Variants in CNOT4 observed in about 807,000 individuals in gnomAD.
CNOT4 encodes the protein CCR4-NOT transcription complex subunit 4, also known as CCR4-associated factor 4.
A neutral mutation model predicts 73.8 loss-of-function variants in CNOT4; 8 were observed. The observed-to-expected ratio is 0.11, with a 90% CI of 0.06 to 0.20. CNOT4 has a LOEUF of 0.20. Ranked by LOEUF, CNOT4 falls within the 10% of genes least tolerant of loss-of-function variation. CNOT4 has a pLI of 1.00. For missense variants in CNOT4, 564 were observed against 883.4 expected, an observed-to-expected ratio of 0.64 and a Z score of 4.58; for synonymous variants, 293 against 321.1, an observed-to-expected ratio of 0.91 and a Z score of 0.94.
At chr7:135,410,756 ATT>A in intron 6 of CNOT4, 108 bp from the exon 7 acceptor site, 1 of 655,652 alleles carries the variant, frequency 1.5e-6, no homozygotes, top group South Asian at 4.5e-5. Flanking sequence ...AATAAATAAT[ATT>A]TTTAAAAAAT....
chr7:135,446,766 T>C (rs1184982239), intron 1 of CNOT4, among the ~76,000 whole-genome samples: 5 of 151,820 alleles, frequency 3.3e-5, no homozygotes, highest in South Asian at 4.2e-4. Context: ...CACTTTGGTA[T>C]TGTATAGCAT....
chr7:135,483,144 G>A (rs1802492834), intron 1 of CNOT4, among the ~76,000 whole-genome samples: 1 of 150,746 alleles, frequency 6.6e-6, no homozygotes, highest in African/African-American at 2.4e-5. Context: ...AGACCAACCT[G>A]GGTAACATAG....
At chr7:135,437,842 C>T (rs1799250171) in intron 2 of CNOT4, among the ~76,000 whole-genome samples, 1 of 152,182 alleles carries the variant, frequency 6.6e-6, no homozygotes, top group East Asian at 1.9e-4. Context: ...CATTACCTCT[C>T]TATTCTTAAT....
At chr7:135,372,630 C>T (rs1795281049) in intron 10 of CNOT4, among the ~76,000 whole-genome samples, 1 of 150,736 alleles carries the variant, frequency 6.6e-6, no homozygotes, top group South Asian at 2.1e-4. Context: ...GACCTCGGCT[C>T]ACTGCAACCT....
At position 135,479,431 on chromosome 7, in the gene CNOT4, G is replaced by A. The variant is rs371937849; in HGVS notation, c.-93+30458C>T. ...TCGTTATGTTGGCTAGGATGGTCTCGATCTCTTGACCTTGTGATCCGCCCG... is the reference window on the plus strand; with the variant it reads ...TCGTTATGTTGGCTAGGATGGTCTCAATCTCTTGACCTTGTGATCCGCCCG... On this transcript the variant is annotated intron_variant, in intron 1 of 11. Coordinates refer to ENST00000541284, the MANE Select transcript of CNOT4 (RefSeq NM_001190850.2). Among the ~76,000 whole-genome samples, 22 of 151,518 alleles carry A rather than the reference G, an allele frequency of 1.5e-4. No homozygotes were observed. The East Asian group carries it at 2.9e-3, about 20-fold the overall frequency.
At chr7:135,464,220 T>C (rs1255781139) in intron 1 of CNOT4, among the ~76,000 whole-genome samples, 1 of 152,100 alleles carries the variant, frequency 6.6e-6, no homozygotes, top group Non-Finnish European at 1.5e-5. Flanking sequence ...CATTCTACCA[T>C]AAAGTCACAT....
intron 10 of CNOT4, among the ~76,000 whole-genome samples, chr7:135,381,317 T>C (rs781485711): frequency 6.6e-6 from 1 of 152,232 alleles, no homozygotes; most frequent in Non-Finnish European, 1.5e-5. Flanking sequence ...GCTAGGCTTA[T>C]GGTTTACCTT....
In CNOT4 at chr7:135,425,927, T is replaced by C. The variant is rs182031926; in HGVS notation, c.175-3574A>G. Among the ~76,000 whole-genome samples the C allele has an allele frequency of 3.2e-4, 48 of 151,656 alleles. No homozygotes were observed. The South Asian group carries it at 3.5e-3, about 11-fold the overall frequency. On this transcript the variant is annotated intron_variant, in intron 2 of 11. Transcript: ENST00000541284. ...AATACAATAAAATAAGGATGAGAGG[T>C]AGACTATAAAGATGGGAGGGCTGGG...
intron 1 of CNOT4, among the ~76,000 whole-genome samples, chr7:135,496,256 C>T (rs182877728): frequency 5.9e-5 from 9 of 152,286 alleles, no homozygotes; most frequent in Non-Finnish European, 1.0e-4. Context: ...CCATGCCCAA[C>T]TAATTTCAGT....
chr7:135,481,770 T>C (rs547022976), intron 1 of CNOT4, among the ~76,000 whole-genome samples: 3 of 152,306 alleles, frequency 2.0e-5, no homozygotes, highest in Admixed American at 6.5e-5. Context: ...AATGAAATCA[T>C]GTCATTTGCA....
chr7:135,506,837 G>A (rs1363038643), intron 1 of CNOT4, among the ~76,000 whole-genome samples: 1 of 149,776 alleles, frequency 6.7e-6, no homozygotes, highest in East Asian at 2.0e-4. Context: ...GACAGAGCGA[G>A]ACTGTCTCAA....
At chr7:135,476,843 A>G (rs1014277410) in intron 1 of CNOT4, among the ~76,000 whole-genome samples, 1 of 152,160 alleles carries the variant, frequency 6.6e-6, no homozygotes, top group African/African-American at 2.4e-5. Context: ...GCATAATGGT[A>G]CATGTCTGTA....
chr7:135,421,183 T>A (rs1798173383), intron 3 of CNOT4, among the ~76,000 whole-genome samples: 1 of 152,176 alleles, frequency 6.6e-6, no homozygotes, highest in Non-Finnish European at 1.5e-5. Flanking sequence ...AACTATTTTT[T>A]AAATTAATTT....
intron 2 of CNOT4, among the ~76,000 whole-genome samples, chr7:135,431,178 C>T (rs944301794): frequency 6.6e-6 from 1 of 151,896 alleles, no homozygotes; most frequent in South Asian, 2.1e-4. Flanking sequence ...GACAGAAGTA[C>T]TGCTTGAGCC....
At chr7:135,471,081 T>C (rs1304275818) in intron 1 of CNOT4, among the ~76,000 whole-genome samples, 2 of 152,222 alleles carry the variant, frequency 1.3e-5, no homozygotes, top group Non-Finnish European at 2.9e-5. Context: ...TTCATTCCAC[T>C]ATTCGGCTGG....
chr7:135,433,999 A>C (rs187566562), intron 2 of CNOT4, among the ~76,000 whole-genome samples: 262 of 152,338 alleles, frequency 1.7e-3, no homozygotes, highest in Middle Eastern at 3.4e-3. Context: ...AAGCTAAGAG[A>C]AACTTTCTGC....
chr7:135,403,946 C>T (rs747499503), intron 7 of CNOT4, among the ~76,000 whole-genome samples: 2 of 152,100 alleles, frequency 1.3e-5, no homozygotes, highest in Non-Finnish European at 2.9e-5. Context: ...TTCTTATTTG[C>T]TTTCATTCTA....
chr7:135,473,762 C>T (rs1412936388), intron 1 of CNOT4, among the ~76,000 whole-genome samples: 3 of 151,818 alleles, frequency 2.0e-5, no homozygotes, highest in Admixed American at 6.6e-5. Flanking sequence ...AGAAAGAAAG[C>T]GAGGGAGAGT....
At chr7:135,392,559 T>C (rs181423692) in intron 10 of CNOT4, among the ~76,000 whole-genome samples, 49 of 152,240 alleles carry the variant, frequency 3.2e-4, no homozygotes, top group African/African-American at 1.1e-3. Context: ...AAAGGAGTAT[T>C]TGGAACTGAA....
Sources: gnomAD v4.1 joint callset for allele counts (sites outside exome capture counted in the v4.1 genomes callset) on GRCh38, gnomAD v4.1.1 for gene constraint, MANE v1.5 for transcripts, NCBI Gene and HGNC (gene_info 2026-07-23, HGNC 2026-07-21) for gene names.